Variants in MCF2L observed in about 807,000 individuals in gnomAD.
MCF2L encodes the protein MCF.2 cell line derived transforming sequence like, also known as guanine nucleotide exchange factor DBS.
A neutral mutation model predicts 153.4 loss-of-function variants in MCF2L; 97 were observed. That is an observed-to-expected ratio of 0.63 (90% CI 0.54 to 0.75). The LOEUF is 0.75. Ranked by LOEUF, MCF2L falls within the 30% of genes least tolerant of loss-of-function variation. The pLI, the probability that MCF2L is intolerant of heterozygous loss-of-function variation, is 0.00. For missense variants in MCF2L, 1,347 were observed against 1,495.2 expected (o/e 0.90, Z 1.64); for synonymous variants, 659 against 632.2 (o/e 1.04, Z -0.64).
At chr13:113,079,875 A>G (rs993999627) in intron 15 of MCF2L, among the ~76,000 whole-genome samples, 37 of 4,250 alleles carry the variant, frequency 8.7e-3, no homozygotes, top group African/African-American at 0.018. Flanking sequence ...GCAGAGGGGC[A>G]TCCGCACAGA....
chr13:113,038,359 G>T (rs2086271882), intron 3 of MCF2L, among the ~76,000 whole-genome samples: 1 of 151,954 alleles, frequency 6.6e-6, no homozygotes, highest in Admixed American at 6.6e-5. Context: ...CAGCTACTCG[G>T]GAGGCTGAGG....
At chr13:112,938,298 G>A (rs1334130298) in intron 2 of MCF2L, among the ~76,000 whole-genome samples, 1 of 151,646 alleles carries the variant, frequency 6.6e-6, no homozygotes, top group Non-Finnish European at 1.5e-5. Context: ...GTTGGTTCAG[G>A]TGAGCTCTGA....
At chr13:112,955,228 G>A (rs2081742831) in intron 2 of MCF2L, among the ~76,000 whole-genome samples, 1 of 152,150 alleles carries the variant, frequency 6.6e-6, no homozygotes, top group African/African-American at 2.4e-5. Context: ...CACAGAGGAG[G>A]CCTCACACGT....
At chr13:112,946,013 C>A (rs3011480) in intron 2 of MCF2L, among the ~76,000 whole-genome samples, 4 of 152,148 alleles carry the variant, frequency 2.6e-5, no homozygotes, top group South Asian at 4.1e-4. Context: ...ATCAGCACGC[C>A]AGCCCGGGCT....
Position 112,929,455 on chromosome 13 carries a change from G to A in MCF2L, c.169+27084G>A, listed in dbSNP as rs557906509. Reference sequence around the variant, plus strand: ...AAAGCCATTTATCTTTTATCGGGATGGGAGCCTGCCCTTTCCGCCTTCTCT... The same window carrying A: ...AAAGCCATTTATCTTTTATCGGGATAGGAGCCTGCCCTTTCCGCCTTCTCT... On this transcript the variant is annotated intron_variant, in intron 2 of 29. Transcript: ENST00000375608. Among the ~76,000 whole-genome samples, 5 of 152,332 alleles carry A rather than the reference G, an allele frequency of 3.3e-5. No individual in the cohort carries two copies. The East Asian group carries it at 9.6e-4, about 29-fold the overall frequency.
intron 1 of MCF2L, among the ~76,000 whole-genome samples, chr13:112,988,484 G>T (rs1015645201): frequency 6.6e-6 from 1 of 152,140 alleles, no homozygotes; most frequent in African/African-American, 2.4e-5. Flanking sequence ...CTGGAGGGAC[G>T]TTCTGTCCTG....
chr13:113,036,104 G>A (rs2086137552), intron 3 of MCF2L, among the ~76,000 whole-genome samples: 1 of 152,160 alleles, frequency 6.6e-6, no homozygotes, highest in African/African-American at 2.4e-5. Flanking sequence ...CAACACTCGT[G>A]TCTATAATTC....
intron 2 of MCF2L, among the ~76,000 whole-genome samples, chr13:112,948,289 T>C (rs1401266174): frequency 1.3e-5 from 2 of 152,256 alleles, no homozygotes; most frequent in African/African-American, 2.4e-5. Flanking sequence ...TAAATACTCT[T>C]TGTTGTTCTT....
At position 113,076,925 on chromosome 13, in the gene MCF2L, A is replaced by T. The variant is rs576742246; in HGVS notation, c.1501-127A>T. ...GGCTGGACACAGCTGCGCTGCGCTG[A>T]CAGACCCCGCATGGAGAACATTTAA... On this transcript the variant is annotated intron_variant, in intron 12 of 29. Coordinates refer to ENST00000535094, the MANE Select transcript of MCF2L (RefSeq NM_001112732.3). The T allele has an allele frequency of 1.9e-4, 196 of 1,030,616 alleles. 3 individuals are homozygous for T. The South Asian group carries it at 2.9e-3, about 15-fold the overall frequency. 63.8% of individuals were successfully genotyped at this position (1,030,616 alleles called of 1,614,324 possible). A position where few individuals can be genotyped will look rare whatever the true frequency, so the allele number is the denominator to read the frequency against.
At position 113,045,608 on chromosome 13, in the gene MCF2L, C is replaced by A; in HGVS notation, c.369+247C>A. 1.8e-6 allele frequency: 1 copy of A among 568,248 alleles called. No homozygotes were observed. The highest frequency in any genetic ancestry group is 3.2e-6 in the Non-Finnish European group (1 of 316,200). 35.2% of individuals were successfully genotyped at this position (568,248 alleles called of 1,614,324 possible). Reference sequence around the variant, plus strand: ...CCCAATGTGACTTGCAAACAATTTCCCCAGGCAGAGCAGCCCATATGTTTC... The same window carrying A: ...CCCAATGTGACTTGCAAACAATTTCACCAGGCAGAGCAGCCCATATGTTTC... On this transcript the variant is annotated intron_variant, in intron 4 of 29. Transcript: ENST00000535094. This position sits in a 1 kb window ranked among gnomAD's most constrained non-coding sequence, Gnocchi z 4.2.
At position 113,053,975 on chromosome 13, in the gene MCF2L, C is replaced by T. The variant is rs2087549928; in HGVS notation, c.370-6618C>T. ...GAGCTCAGTTCACACGGCTCCGAAT[C>T]GGCGAAACGCAACCAACGCTGGGCA... On this transcript the variant is annotated intron_variant, in intron 4 of 29. Transcript: ENST00000535094. This position sits in a 1 kb window ranked among gnomAD's most constrained non-coding sequence, Gnocchi z 4.4. Among the ~76,000 whole-genome samples the T allele has an allele frequency of 6.6e-6, 1 of 152,126 alleles. No individual in the cohort carries two copies. The highest frequency in any genetic ancestry group is 2.4e-5 in the African/African-American group (1 of 41,404).
intron 3 of MCF2L, among the ~76,000 whole-genome samples, chr13:113,036,646 G>C (rs770157947): frequency 1.3e-5 from 2 of 152,248 alleles, no homozygotes; most frequent in Non-Finnish European, 2.9e-5. Flanking sequence ...CCAGGAGTGC[G>C]TGTGTCGCAG....
intron 2 of MCF2L, among the ~76,000 whole-genome samples, chr13:112,906,632 G>C (rs904688337): frequency 6.6e-6 from 1 of 152,232 alleles, no homozygotes; most frequent in Non-Finnish European, 1.5e-5. Flanking sequence ...TGCGTAATGC[G>C]TTCTGGCTCT....
rs2087475820 is a variant in MCF2L, at chr13:113,053,083, A to C, written c.370-7510A>C. 6.6e-6 allele frequency among the ~76,000 whole-genome samples: 1 copy of C among 152,162 alleles called. No individual in the cohort carries two copies. Among genetic ancestry groups the C allele is most frequent in the South Asian group, 2.1e-4 (1 of 4,826 alleles). On this transcript the variant is annotated intron_variant, in intron 4 of 29. Coordinates refer to ENST00000535094, the MANE Select transcript of MCF2L (RefSeq NM_001112732.3). The surrounding 1 kb of genome is among the most constrained non-coding windows in gnomAD (Gnocchi z 4.4). ...TGAGAGCCGGCTCTGCCATCGTGTC[A>C]GTTCATCCCGGATTGCTGACATGGT... is the stretch of plus-strand genomic sequence containing the variant.
chr13:112,922,814 G>T (rs1274630866), intron 2 of MCF2L, among the ~76,000 whole-genome samples: 1 of 152,216 alleles, frequency 6.6e-6, no homozygotes, highest in Non-Finnish European at 1.5e-5. Flanking sequence ...CAGCGTGGGC[G>T]ACAGAGCAAG....
chr13:112,917,117 C>T (rs1297763847), intron 2 of MCF2L: 3 of 471,168 alleles, frequency 6.4e-6, no homozygotes, highest in African/African-American at 2.0e-5. Flanking sequence ...TACTCAGCCC[C>T]TCGGCGATCT....
intron 1 of MCF2L, among the ~76,000 whole-genome samples, chr13:112,986,070 G>A (rs535876813): frequency 2.0e-5 from 3 of 152,380 alleles, no homozygotes; most frequent in East Asian, 1.9e-4. Context: ...GCCTCAGAAG[G>A]CATTTCCTTC....
Position 113,074,852 on chromosome 13 carries a change from G to A in MCF2L, c.1117-146G>A. ...GCACTTGCCACAGAACAGCTTCGGG[G>A]ATTAAGCAGCATCTCAGGCATCCGC... On this transcript the variant is annotated intron_variant, in intron 10 of 29. Coordinates refer to ENST00000535094, the MANE Select transcript of MCF2L (RefSeq NM_001112732.3). This position sits in a 1 kb window ranked among gnomAD's most constrained non-coding sequence, Gnocchi z 4.2. The A allele has an allele frequency of 2.4e-6, 2 of 832,468 alleles. No homozygotes were observed. Among genetic ancestry groups the A allele is most frequent in the South Asian group, 3.5e-5 (2 of 57,716 alleles). The allele number at this position is 832,468 out of a possible 1,614,324, so 51.6% of individuals were successfully genotyped here. A position where few individuals can be genotyped will look rare whatever the true frequency, so the allele number is the denominator to read the frequency against.
chr13:113,044,624 G>C (rs1168023687), intron 3 of MCF2L: 1 of 1,594,206 alleles, frequency 6.3e-7, no homozygotes, highest in African/African-American at 1.3e-5. Context: ...CCACGGAAGA[G>C]GGCTCTCCGC....
Sources: allele counts gnomAD v4.1 joint callset (sites outside exome capture counted in the v4.1 genomes callset), GRCh38; gene constraint gnomAD v4.1.1; non-coding constraint Gnocchi (gnomAD v3.1); transcripts MANE v1.5; gene names NCBI Gene and HGNC (gene_info 2026-07-23, HGNC 2026-07-21).